The following UNC79 variants were observed in gnomAD, a reference collection of about 807,000 sequenced individuals.
The protein encoded by UNC79 is unc-79 subunit of NALCN channel complex, also known as protein unc-79 homolog.
A neutral mutation model predicts 283.1 loss-of-function variants in UNC79; 37 were observed. The observed-to-expected ratio is 0.13, with a 90% CI of 0.10 to 0.17. UNC79 has a LOEUF of 0.17. Ranked by LOEUF, UNC79 falls within the 10% of genes least tolerant of loss-of-function variation. The probability of loss-of-function intolerance (pLI) is 1.00; values close to 1 mark genes in which losing one functional copy is unlikely to be tolerated. For missense variants in UNC79, 2,272 were observed against 3,211.1 expected (o/e 0.71, Z 7.07); for synonymous variants, 1,107 against 1,200.2 (o/e 0.92, Z 1.61).
chr14:93,564,011 A>G (rs12432754), intron 14 of UNC79, among the ~76,000 whole-genome samples: 91,918 of 151,908 alleles, frequency 0.61, 28,360 homozygotes, highest in Admixed American at 0.68. Flanking sequence ...AGTGGCAGCC[A>G]CTGCACGGAG....
chr14:93,665,915 A>T (rs1334963560), intron 40 of UNC79, among the ~76,000 whole-genome samples: 1 of 152,082 alleles, frequency 6.6e-6, no homozygotes, highest in African/African-American at 2.4e-5. Context: ...GAAATGTGTG[A>T]AGGAATGATG....
At chr14:93,673,446 G>A in exon 41 of UNC79, 1 of 1,612,010 alleles carries the variant, frequency 6.2e-7, no homozygotes, top group Non-Finnish European at 8.5e-7. Flanking sequence ...ACCTTCTTCT[G>A]CTTGTTCAGG....
At chr14:93,600,092 T>C (rs565107069) in intron 24 of UNC79, among the ~76,000 whole-genome samples, 2,919 of 152,060 alleles carry the variant, frequency 0.019, 27 homozygotes, top group Non-Finnish European at 0.029. Flanking sequence ...CCCAGCTACT[T>C]GGGAGGCTGA....
At chr14:93,463,309 T>C (rs2057028681) in intron 1 of UNC79, among the ~76,000 whole-genome samples, 1 of 152,036 alleles carries the variant, frequency 6.6e-6, no homozygotes, top group African/African-American at 2.4e-5. Flanking sequence ...ATGGATTCAG[T>C]GCAGTGGTGG....
chr14:93,374,950 G>A (rs1434558715), intron 1 of UNC79, among the ~76,000 whole-genome samples: 2 of 152,178 alleles, frequency 1.3e-5, no homozygotes, highest in Non-Finnish European at 2.9e-5. Flanking sequence ...AAAGCTTTGG[G>A]GCTATGGAGA....
chr14:93,584,828 C>A (rs570278476), intron 20 of UNC79, among the ~76,000 whole-genome samples: 8 of 151,050 alleles, frequency 5.3e-5, no homozygotes, highest in Non-Finnish European at 8.8e-5. Flanking sequence ...TCCTGACTAG[C>A]TGGGACTACA....
intron 31 of UNC79, 47 bp downstream of exon 33, chr14:93,630,955 A>G (rs1337834544): frequency 6.6e-7 from 1 of 1,522,236 alleles, no homozygotes; most frequent in African/African-American, 1.4e-5. Context: ...TTATTTTGGA[A>G]CACTGTCTGC....
At chr14:93,656,524 T>A (rs2070952288) in intron 38 of UNC79, among the ~76,000 whole-genome samples, 1 of 151,966 alleles carries the variant, frequency 6.6e-6, no homozygotes, top group African/African-American at 2.4e-5. Flanking sequence ...CAAGGTGGCA[T>A]GCACCTGTAG....
intron 14 of UNC79, among the ~76,000 whole-genome samples, chr14:93,558,706 C>T (rs1251057578): frequency 7.0e-6 from 1 of 143,194 alleles, no homozygotes; most frequent in Non-Finnish European, 1.5e-5. Context: ...AATTCTTACC[C>T]TTTTGCCTGC....
chr14:93,550,514 CAAAAAAAAAAAAA>C lies in UNC79; in HGVS notation c.1755+7833_1755+7845del, dbSNP rs1205210121. Among the ~76,000 whole-genome samples, 5 of 19,196 alleles carry C rather than the reference CAAAAAAAAAAAAA, an allele frequency of 2.6e-4. No homozygotes were observed. The Admixed American group carries it at 3.0e-3, about 11-fold the overall frequency. The allele number at this position is 19,196 out of a possible 152,430, so 12.6% of individuals were successfully genotyped here. A position where few individuals can be genotyped will look rare whatever the true frequency, so the allele number is the denominator to read the frequency against. On this transcript the variant is annotated intron_variant, in intron 14 of 48. Transcript: ENST00000555664. The stretch of plus-strand genomic sequence containing the variant: ...TGGGAGACAGAGCAAGACTCCGTAT[CAAAAAAAAAAAAA>C]AAAAAAAAAAAAAAGAGGAAGGAGT...
chr14:93,403,100 G>C (rs1472803670), intron 1 of UNC79, among the ~76,000 whole-genome samples: 1 of 152,284 alleles, frequency 6.6e-6, no homozygotes. Flanking sequence ...TTGAGTCTTT[G>C]GTCAGCCTTT....
chr14:93,414,202 G>C (rs1232000364), intron 1 of UNC79, among the ~76,000 whole-genome samples: 1 of 152,070 alleles, frequency 6.6e-6, no homozygotes, highest in African/African-American at 2.4e-5. Flanking sequence ...ATTAATTTTT[G>C]TATAAGGTGT....
chr14:93,538,635 A>G lies in UNC79; in HGVS notation c.1352+417A>G, dbSNP rs114582085. ...GGCTTGACTGACAGCAGCATTAACC[A>G]GTCAGGAGGCGGGGAAGGCAACAAG... On this transcript the variant is annotated intron_variant, in intron 12 of 48. Coordinates refer to ENST00000555664, the Ensembl canonical transcript of UNC79. Among the ~76,000 whole-genome samples, 582 of 152,154 alleles carry G rather than the reference A, an allele frequency of 3.8e-3. 7 individuals carry two copies. Among genetic ancestry groups the G allele is most frequent in the African/African-American group, 0.014 (564 of 41,520 alleles).
At chr14:93,666,386 TA>T (rs2072205658) in intron 40 of UNC79, among the ~76,000 whole-genome samples, 1 of 152,086 alleles carries the variant, frequency 6.6e-6, no homozygotes, top group South Asian at 2.1e-4. Flanking sequence ...AATCTACATC[TA>T]AAACATGTCT....
chr14:93,663,843 A>G (rs2071863698), intron 40 of UNC79, among the ~76,000 whole-genome samples: 1 of 152,122 alleles, frequency 6.6e-6, no homozygotes, highest in African/African-American at 2.4e-5. Context: ...TGATTTCTTC[A>G]TTGTGTTTAT....
At chr14:93,704,181 C>G (rs1410923752) in intron 47 of UNC79, among the ~76,000 whole-genome samples, 2 of 152,224 alleles carry the variant, frequency 1.3e-5, no homozygotes, top group Non-Finnish European at 2.9e-5. Context: ...TTGGAGTGGT[C>G]TTTCTCGCTC....
At chr14:93,598,646 C>T (rs1043436976) in intron 24 of UNC79, among the ~76,000 whole-genome samples, 2 of 152,120 alleles carry the variant, frequency 1.3e-5, no homozygotes, top group South Asian at 4.1e-4. Flanking sequence ...CTTAGTCTCC[C>T]GAATAGCTGG....
At chr14:93,396,085 T>A (rs548910223) in intron 1 of UNC79, among the ~76,000 whole-genome samples, 1 of 152,284 alleles carries the variant, frequency 6.6e-6, no homozygotes, top group African/African-American at 2.4e-5. Flanking sequence ...TCTTTCTTTT[T>A]TTGTGTTACA....
In UNC79 at chr14:93,402,290, A is replaced by AG. The variant is rs1372181601; in HGVS notation, c.-350-65381_-350-65380insG. Among the ~76,000 whole-genome samples, 7 of 139,368 alleles carry AG rather than the reference A, an allele frequency of 5.0e-5. No homozygotes were observed. In the East Asian group the frequency reaches 1.0e-3, roughly 20 times the overall value. 91.4% of individuals were successfully genotyped at this position (139,368 alleles called of 152,430 possible). A position where few individuals can be genotyped will look rare whatever the true frequency, so the allele number is the denominator to read the frequency against. ...AGACTCTGTCTCAAAAAAAAAAAAA[A>AG]AAAAGAAAAGAAAAGAAAAAAAAAA... On this transcript the variant is annotated intron_variant, in intron 1 of 49. Coordinates refer to the UNC79 transcript ENST00000256339.
Sources: allele counts gnomAD v4.1 joint callset (sites outside exome capture counted in the v4.1 genomes callset), GRCh38; gene constraint gnomAD v4.1.1; transcripts MANE v1.5; gene names NCBI Gene and HGNC (gene_info 2026-07-23, HGNC 2026-07-21).